The following MPDZ variants were observed in gnomAD, a reference collection of about 807,000 sequenced individuals.
The protein encoded by MPDZ is multiple PDZ domain crumbs cell polarity complex component.
A neutral mutation model predicts 239.1 loss-of-function variants in MPDZ; 234 were observed. The observed-to-expected ratio is 0.98, with a 90% CI of 0.88 to 1.09. MPDZ has a LOEUF of 1.09. MPDZ is among the 50% of genes least tolerant of loss of function. The probability of loss-of-function intolerance (pLI) is 0.00; values close to 1 mark genes in which losing one functional copy is unlikely to be tolerated. For synonymous variants in MPDZ, 1,048 were observed against 881.3 expected, an observed-to-expected ratio of 1.19 and a Z score of -3.35; for missense variants, 3,175 against 2,510.0, an observed-to-expected ratio of 1.26 and a Z score of -5.66.
At chr9:13,226,304 AAAT>A (rs1960584515) in intron 3 of MPDZ, among the ~76,000 whole-genome samples, 1 of 152,176 alleles carries the variant, frequency 6.6e-6, no homozygotes, top group East Asian at 1.9e-4. Flanking sequence ...AGTTAAATCT[AAAT>A]AATAATAAAG....
intron 27 of MPDZ, among the ~76,000 whole-genome samples, chr9:13,142,583 G>T (rs1020343559): frequency 7.2e-5 from 11 of 152,036 alleles, no homozygotes; most frequent in Non-Finnish European, 1.5e-5. Context: ...CACACATAAA[G>T]CACACTGTAA....
chr9:13,225,706 A>G (rs1020045661), intron 3 of MPDZ, among the ~76,000 whole-genome samples: 8 of 152,080 alleles, frequency 5.3e-5, no homozygotes, highest in Admixed American at 2.6e-4. Flanking sequence ...AGCAATACCA[A>G]ATAGCCTAGC....
At chr9:13,251,788 T>G (rs1286012827) in intron 1 of MPDZ, among the ~76,000 whole-genome samples, 1 of 152,186 alleles carries the variant, frequency 6.6e-6, no homozygotes, top group Non-Finnish European at 1.5e-5. Flanking sequence ...TATCCCAATG[T>G]AGAATATACT....
chr9:13,172,276 G>C (rs954170890), intron 21 of MPDZ, among the ~76,000 whole-genome samples: 6 of 152,052 alleles, frequency 3.9e-5, no homozygotes, highest in Non-Finnish European at 8.8e-5. Flanking sequence ...ATCAATAATG[G>C]AAATGAAGCA....
intron 11 of MPDZ, 99 bp from the exon 12 acceptor site, chr9:13,205,206 T>A: frequency 1.7e-6 from 1 of 594,846 alleles, no homozygotes; most frequent in Non-Finnish European, 2.7e-6. Context: ...TACATGAGAA[T>A]CTGTTTTTCA....
Position 13,216,796 on chromosome 9 carries a change from T to A in MPDZ, c.1268A>T (p.Gln423Leu). The change falls in exon 10 of 47, where the codon CAA (glutamine) becomes CTA (leucine). Residue 423 changes from glutamine to leucine, a missense_variant. Transcript: ENST00000319217. ...SSAVEHDGRI[Q>L]IGDQIIAVDG... ...TACTGCTATAATTTGGTCTCCAATT[T>A]GGATTCTTCCATCATGCTCAACGGC... 1 of 1,609,612 alleles carries A rather than the reference T, an allele frequency of 6.2e-7. No individual in the cohort carries two copies. Among genetic ancestry groups the A allele is most frequent in the Non-Finnish European group, 8.5e-7 (1 of 1,177,538 alleles).
In MPDZ at chr9:13,106,576, T is replaced by G. The variant is rs546752174; in HGVS notation, c.*389A>C. The G allele has an allele frequency of 6.4e-6, 1 of 156,768 alleles. No individual in the cohort carries two copies. The highest frequency in any genetic ancestry group is 1.4e-5 in the Non-Finnish European group (1 of 71,268). The allele number at this position is 156,768 out of a possible 1,614,324, so 9.7% of individuals were successfully genotyped here. On this transcript the variant is annotated 3_prime_UTR_variant, in exon 47 of 47. Coordinates refer to ENST00000319217, the MANE Select transcript of MPDZ (RefSeq NM_001378778.1). Reference sequence around the variant, plus strand: ...CTCCCCGAGATTTTCTTCTTTATTTTATATTTTCATTTTTCATCCTAATTT... The same window carrying G: ...CTCCCCGAGATTTTCTTCTTTATTTGATATTTTCATTTTTCATCCTAATTT...
intron 38 of MPDZ, 165 bp from the exon 39 acceptor site, chr9:13,119,814 A>T: frequency 1.4e-6 from 1 of 700,342 alleles, no homozygotes; most frequent in Non-Finnish European, 2.4e-6. Flanking sequence ...ATATTTTTTG[A>T]TAAATAACAG....
intron 2 of MPDZ, among the ~76,000 whole-genome samples, chr9:13,248,830 G>C (rs1967037114): frequency 6.6e-6 from 1 of 150,594 alleles, no homozygotes; most frequent in African/African-American, 2.4e-5. Context: ...AAAATCAGAT[G>C]GGTGTAGTGG....
At chr9:13,184,806 T>A (rs542373988) in intron 18 of MPDZ, among the ~76,000 whole-genome samples, 1 of 152,126 alleles carries the variant, frequency 6.6e-6, no homozygotes, top group Admixed American at 6.6e-5. Flanking sequence ...ATTTATTTAC[T>A]GTAGAGATAA....
intron 3 of MPDZ, among the ~76,000 whole-genome samples, chr9:13,235,130 C>G (rs1054435114): frequency 6.6e-6 from 1 of 152,100 alleles, no homozygotes; most frequent in East Asian, 1.9e-4. Flanking sequence ...ACAGGCAAAC[C>G]CTTGCACAGT....
At chr9:13,227,097 T>C (rs2136516461) in intron 3 of MPDZ, among the ~76,000 whole-genome samples, 1 of 152,092 alleles carries the variant, frequency 6.6e-6, no homozygotes, top group Middle Eastern at 3.4e-3. Context: ...GTAAAGAACA[T>C]CCACTGACAG....
At chr9:13,167,522 A>G (rs1951217829) in intron 22 of MPDZ, among the ~76,000 whole-genome samples, 1 of 152,132 alleles carries the variant, frequency 6.6e-6, no homozygotes, top group Admixed American at 6.6e-5. Flanking sequence ...AGTAATAGAG[A>G]ATGTAGTCAG....
At chr9:13,277,439 G>C (rs1378830468) in intron 1 of MPDZ, among the ~76,000 whole-genome samples, 2 of 150,720 alleles carry the variant, frequency 1.3e-5, no homozygotes, top group Admixed American at 6.6e-5. Context: ...GGAGAGTCAA[G>C]GGGTACCCAA....
intron 38 of MPDZ, chr9:13,119,988 CA>C (rs1432697407): frequency 8.2e-6 from 2 of 244,456 alleles, no homozygotes; most frequent in Non-Finnish European, 1.6e-5. Context: ...TCCTTGGATG[CA>C]AAATCTGCTG....
At position 13,192,236 on chromosome 9, in the gene MPDZ, T is replaced by G. The variant is rs1955029625; in HGVS notation, c.1863A>C (p.Glu621Asp). The change falls in exon 15 of 47, where the codon GAA (glutamate) becomes GAC (aspartate). Residue 621 changes from glutamate to aspartate, a missense_variant. Transcript: ENST00000319217. ...NHQDVVNILK[E>D]LPIEVTMVCC... is the part of the protein sequence containing the mutation. ...ACACCATTGTCACTTCTATAGGCAGTTCTTTTAAGATATTCACCACATCTT... is the reference window on the plus strand; with the variant it reads ...ACACCATTGTCACTTCTATAGGCAGGTCTTTTAAGATATTCACCACATCTT... 6.2e-7 allele frequency: 1 copy of G among 1,607,482 alleles called. No individual in the cohort carries two copies. Among genetic ancestry groups the G allele is most frequent in the East Asian group, 2.2e-5 (1 of 44,586 alleles).
intron 34 of MPDZ, 33 bp from the exon 35 acceptor site, chr9:13,125,423 A>T: frequency 1.9e-6 from 3 of 1,588,842 alleles, no homozygotes; most frequent in Non-Finnish European, 8.6e-7. Flanking sequence ...GAGAAACAAA[A>T]TTCAAAGCTG....
At chr9:13,177,920 T>A (rs867703071) in intron 19 of MPDZ, among the ~76,000 whole-genome samples, 1 of 152,198 alleles carries the variant, frequency 6.6e-6, no homozygotes, top group Non-Finnish European at 1.5e-5. Flanking sequence ...TGTGAAGATA[T>A]ATTCACTATG....
chr9:13,227,874 A>G (rs1961126761), intron 3 of MPDZ, among the ~76,000 whole-genome samples: 1 of 152,140 alleles, frequency 6.6e-6, no homozygotes, highest in African/African-American at 2.4e-5. Context: ...TAATTATACC[A>G]CCATACAAAA....
Sources: gnomAD v4.1 joint callset for allele counts (sites outside exome capture counted in the v4.1 genomes callset) on GRCh38, gnomAD v4.1.1 for gene constraint, MANE v1.5 for transcripts, NCBI Gene and HGNC (gene_info 2026-07-23, HGNC 2026-07-21) for gene names.